PBXIP1: variants seen among roughly 807,000 people sequenced by gnomAD.
The protein encoded by PBXIP1 is pre-B-cell leukemia transcription factor-interacting protein 1.
In PBXIP1, 73 loss-of-function variants were observed where a neutral mutation model predicts 73.7. That is an observed-to-expected ratio of 0.99 (90% CI 0.82 to 1.20). The LOEUF (loss-of-function observed/expected upper bound fraction) is 1.20, where lower values mean the gene tolerates loss of function less well. PBXIP1 is among the 50% of genes most tolerant of loss of function. PBXIP1 has a pLI of 0.00. For missense variants in PBXIP1, 818 were observed against 911.4 expected (o/e 0.90, Z 1.32); for synonymous variants, 330 against 366.9 (o/e 0.90, Z 1.15).
intron 5 of PBXIP1, among the ~76,000 whole-genome samples, 188 bp from the exon 6 acceptor site, chr1:154,948,554 G>C (rs1200014796): frequency 2.0e-5 from 3 of 152,166 alleles, no homozygotes; most frequent in Non-Finnish European, 4.4e-5. Context: ...GCCCAGTCTG[G>C]AGGCAGGAGA....
At chr1:154,949,530 T>G (rs1344535274) in intron 5 of PBXIP1, among the ~76,000 whole-genome samples, 1 of 152,066 alleles carries the variant, frequency 6.6e-6, no homozygotes, top group African/African-American at 2.4e-5. Context: ...CATCTACATC[T>G]TTATATAAGC....
At position 154,946,474 on chromosome 1, in the gene PBXIP1, C is replaced by G; in HGVS notation, c.1200G>C (p.Arg400Ser). The G allele has an allele frequency of 2.5e-6, 4 of 1,608,614 alleles. No individual in the cohort carries two copies. In the Admixed American group the frequency reaches 6.7e-5, roughly 27 times the overall value. Reference protein sequence around the residue: ...EAQALRQELERQRRLLGSVQQ... With the variant: ...EAQALRQELESQRRLLGSVQQ... ...GTACAGACCCCAGCAGCCGTCGCTG[C>G]CTCTCTAACTCTTGCCTTAATGCCT... The change falls in exon 10 of 11, where the codon AGG becomes AGC. Residue 400 changes from arginine (R) to serine (S), a missense_variant. Arg to Ser is a moderately radical substitution (Grantham distance 110). Coordinates refer to ENST00000368463, the MANE Select transcript of PBXIP1 (RefSeq NM_020524.4).
rs760577556 is a variant in PBXIP1 at position 154,947,480 on chromosome 1, A to T, written c.807T>A (p.Gly269=). 6.2e-7 allele frequency: 1 copy of T among 1,613,392 alleles called. No homozygotes were observed. Among genetic ancestry groups the T allele is most frequent in the Non-Finnish European group, 8.5e-7 (1 of 1,179,674 alleles). Residue 269 remains glycine, a synonymous_variant, in exon 9 of 11, where the codon GGT becomes GGA. Transcript: ENST00000368463. ...CCTTGGCCAGCTTGTCCAGCAGAAG[A>T]CCCATGTTTTGCAGGCTGGGGACAC... ...PDSVPSLQNM[G]LLLDKLAKEN... is the part of the protein sequence containing the mutation.
At chr1:154,955,659 C>T (rs1279747990) in intron 1 of PBXIP1, among the ~76,000 whole-genome samples, 1 of 152,124 alleles carries the variant, frequency 6.6e-6, no homozygotes, top group Non-Finnish European at 1.5e-5. Context: ...TTTCATCGAC[C>T]TTCTGGAAGA....
chr1:154,951,677 T>C lies in PBXIP1; in HGVS notation c.178+118A>G. ...GGAATGAGAAAAGGAGTTTGTCAAC[T>C]GAGATTAATGGAGGAACTAAAACGA... is the stretch of plus-strand genomic sequence containing the variant. On this transcript the variant is annotated intron_variant, in intron 3 of 10. Transcript: ENST00000368463. This position sits in a 1 kb window ranked among gnomAD's most constrained non-coding sequence, Gnocchi z 4.3. 1 of 1,420,368 alleles carries C rather than the reference T, an allele frequency of 7.0e-7. No individual in the cohort carries two copies. The allele number at this position is 1,420,368 out of a possible 1,614,324, so 88.0% of individuals were successfully genotyped here.
intron 5 of PBXIP1, among the ~76,000 whole-genome samples, chr1:154,950,922 C>G (rs957462953): frequency 1.3e-5 from 2 of 152,226 alleles, no homozygotes; most frequent in Non-Finnish European, 2.9e-5. Context: ...CTGCCCAGGC[C>G]CAGGGCCAGC....
rs767550007 is a variant in PBXIP1 at position 154,951,793 on chromosome 1, ACCTTCTCCAT to A, written c.170_178+1del. ...AGCTATGTCCTAAGCAGGGCCCAGT[ACCTTCTCCAT>A]CCATGGTCCCAGCTAATTCTTTCCC... On this transcript the variant is annotated splice_donor_variant and coding_sequence_variant, in exon 3 of 11. Coordinates refer to ENST00000368463, the MANE Select transcript of PBXIP1 (RefSeq NM_020524.4). LOFTEE classifies it high-confidence loss of function. This position sits in a 1 kb window ranked among gnomAD's most constrained non-coding sequence, Gnocchi z 4.3. The A allele has an allele frequency of 7.4e-6, 12 of 1,613,824 alleles. No homozygotes were observed. Among genetic ancestry groups the A allele is most frequent in the Non-Finnish European group, 1.0e-5 (12 of 1,179,890 alleles).
intron 10 of PBXIP1, among the ~76,000 whole-genome samples, 186 bp from the exon 11 acceptor site, chr1:154,945,303 C>T (rs1326463288): frequency 6.6e-6 from 1 of 152,114 alleles, no homozygotes; most frequent in African/African-American, 2.4e-5. Context: ...GGATCTCCCT[C>T]GTCCCCTGGG....
intron 5 of PBXIP1, among the ~76,000 whole-genome samples, chr1:154,949,851 A>G (rs1654950008): frequency 6.6e-6 from 1 of 151,954 alleles, no homozygotes; most frequent in Admixed American, 6.6e-5. Flanking sequence ...TAAATAGGAA[A>G]CATTCCTTTT....
Position 154,951,974 on chromosome 1 carries a change from C to G in PBXIP1, c.52-53G>C, listed in dbSNP as rs931725930. 4.5e-6 allele frequency: 7 copies of G among 1,563,938 alleles called. No individual in the cohort carries two copies. Among genetic ancestry groups the G allele is most frequent in the Non-Finnish European group, 6.0e-6 (7 of 1,160,746 alleles). On this transcript the variant is annotated intron_variant, in intron 2 of 10. Transcript: ENST00000368463. The surrounding 1 kb of genome is among the most constrained non-coding windows in gnomAD (Gnocchi z 4.3). ...CTGCACCCAAGAATGGGGCCCCAGC[C>G]CACATCCCAGAAACACACACATTCA...
rs1655016214 is a variant in PBXIP1, at chr1:154,951,884, A to G, written c.89T>C (p.Met30Thr). 1.9e-6 allele frequency: 3 copies of G among 1,612,994 alleles called. No individual in the cohort carries two copies. Among genetic ancestry groups the G allele is most frequent in the Non-Finnish European group, 8.5e-7 (1 of 1,179,716 alleles). ...CAGGGCTCTCTCAGATTCTGGGTCC[A>G]TCCTGGATGCCGGGCCCAGTGTCTC... ...PVETLGPASR[M>T]DPESERALQA... Residue 30 changes from methionine (M) to threonine (T), a missense_variant, in exon 3 of 11, where the codon ATG becomes ACG. Met to Thr is a moderately conservative substitution (Grantham distance 81). Transcript: ENST00000368463. The surrounding 1 kb of genome is among the most constrained non-coding windows in gnomAD (Gnocchi z 4.3).
chr1:154,951,966 G>A lies in PBXIP1; in HGVS notation c.52-45C>T. ...GAGAAGGGCTGCACCCAAGAATGGG[G>A]CCCCAGCCCACATCCCAGAAACACA... On this transcript the variant is annotated intron_variant, in intron 2 of 10. Transcript: ENST00000368463. This position sits in a 1 kb window ranked among gnomAD's most constrained non-coding sequence, Gnocchi z 4.3. 1 of 1,571,678 alleles carries A rather than the reference G, an allele frequency of 6.4e-7. No individual in the cohort carries two copies. The highest frequency in any genetic ancestry group is 8.6e-7 in the Non-Finnish European group (1 of 1,165,018).
At chr1:154,947,099 A>G in intron 9 of PBXIP1, 1 of 578,034 alleles carries the variant, frequency 1.7e-6, no homozygotes, top group Non-Finnish European at 3.1e-6. Flanking sequence ...ATTTCCTGGA[A>G]CAGTGTTAAC....
Position 154,947,561 on chromosome 1 carries a change from G to C in PBXIP1, c.739-13C>G. ...CCCTTAGCCCATCCTGAGGGCAGAAGAGCCTGTTATGCCATGCTACCCCAC... is the reference window on the plus strand; with the variant it reads ...CCCTTAGCCCATCCTGAGGGCAGAACAGCCTGTTATGCCATGCTACCCCAC... On this transcript the variant is annotated splice_polypyrimidine_tract_variant and intron_variant, in intron 8 of 10. Transcript: ENST00000368463. 6.2e-7 allele frequency: 1 copy of C among 1,603,102 alleles called. No individual in the cohort carries two copies. Among genetic ancestry groups the C allele is most frequent in the Non-Finnish European group, 8.5e-7 (1 of 1,173,146 alleles).
Position 154,946,541 on chromosome 1 carries a change from A to T in PBXIP1, c.1133T>A (p.Leu378His). ...CTGTTCCTTCTGCTTCAGGAAGCTG[A>T]GTTCTGGCTCCTGCTCCCTGGGGCC... ...EQGPREQEPE[L>H]SFLKQKEQLE... The change falls in exon 10 of 11, where the codon CTC becomes CAC. Residue 378 changes from leucine to histidine, a missense_variant. Coordinates refer to ENST00000368463, the MANE Select transcript of PBXIP1 (RefSeq NM_020524.4). 1 of 1,612,066 alleles carries T rather than the reference A, an allele frequency of 6.2e-7. No individual in the cohort carries two copies. The highest frequency in any genetic ancestry group is 8.5e-7 in the Non-Finnish European group (1 of 1,180,014).
chr1:154,944,758 A>T lies in PBXIP1; in HGVS notation c.*266T>A. 2.3e-6 allele frequency: 1 copy of T among 433,362 alleles called. No individual in the cohort carries two copies. 26.8% of individuals were successfully genotyped at this position (433,362 alleles called of 1,614,324 possible). ...CCACCCCAAAACAGGCTCCTCTCCC[A>T]TCTCCCCCTTCACAGTGACAAAACA... On this transcript the variant is annotated 3_prime_UTR_variant, in exon 11 of 11. Transcript: ENST00000368463.
At chr1:154,954,686 A>T (rs1430446406) in intron 1 of PBXIP1, among the ~76,000 whole-genome samples, 2 of 152,182 alleles carry the variant, frequency 1.3e-5, no homozygotes, top group Non-Finnish European at 2.9e-5. Context: ...CTTGACAGGG[A>T]TAGGGGAGGG....
intron 2 of PBXIP1, among the ~76,000 whole-genome samples, chr1:154,953,091 T>G (rs1384635891): frequency 1.3e-5 from 2 of 152,188 alleles, no homozygotes; most frequent in Admixed American, 6.5e-5. Flanking sequence ...CCCCACCAGC[T>G]GCTACCTGGA....
intron 2 of PBXIP1, among the ~76,000 whole-genome samples, chr1:154,952,862 G>A (rs1655053648): frequency 6.6e-6 from 1 of 152,032 alleles, no homozygotes. Flanking sequence ...TCATCCCCAA[G>A]GTCAACTCCT....
Sources: gnomAD v4.1 joint callset for allele counts (sites outside exome capture counted in the v4.1 genomes callset) on GRCh38, gnomAD v4.1.1 for gene constraint, Gnocchi (gnomAD v3.1) non-coding constraint, MANE v1.5 for transcripts, NCBI Gene and HGNC (gene_info 2026-07-23, HGNC 2026-07-21) for gene names.